The following SV2C variants were observed in gnomAD, a reference collection of about 807,000 sequenced individuals.
SV2C encodes solute carrier family 22 member B3.
Under a neutral mutation model 79.7 loss-of-function variants are expected in SV2C, and 49 were observed. That is an observed-to-expected ratio of 0.61 (90% CI 0.49 to 0.78). The LOEUF (loss-of-function observed/expected upper bound fraction) is 0.78. Among genes scored for constraint, SV2C ranks in the 30% least tolerant of loss-of-function variants. The pLI is 0.00. For missense variants in SV2C, 833 were observed against 912.9 expected, an observed-to-expected ratio of 0.91 and a Z score of 1.13; for synonymous variants, 334 against 333.2, an observed-to-expected ratio of 1.00 and a Z score of -0.03.
At chr5:76,306,484 A>T (rs1203811540) in intron 12 of SV2C, among the ~76,000 whole-genome samples, 4 of 152,256 alleles carry the variant, frequency 2.6e-5, no homozygotes, top group African/African-American at 9.6e-5. Context: ...GCAATTTATT[A>T]TCCAGAGGAT....
chr5:76,050,418 T>A, the SV2C span, among the ~76,000 whole-genome samples: 1 of 152,174 alleles, frequency 6.6e-6, no homozygotes, highest in African/African-American at 2.4e-5. Context: ...TAGAGGATCT[T>A]CATTGTCAGA....
intron 4 of SV2C, among the ~76,000 whole-genome samples, chr5:76,250,322 A>C (rs1202466586): frequency 6.6e-6 from 1 of 152,194 alleles, no homozygotes; most frequent in Non-Finnish European, 1.5e-5. Flanking sequence ...CCAAAAAAAT[A>C]CTTTATATTT....
At chr5:75,994,744 A>G in the SV2C span, among the ~76,000 whole-genome samples, 1 of 152,168 alleles carries the variant, frequency 6.6e-6, no homozygotes. Context: ...CAGCTATGTA[A>G]GAGGAGATTT....
Position 76,164,613 on chromosome 5 carries a change from C to T in SV2C, c.581-30306C>T, listed in dbSNP as rs200628055. On this transcript the variant is annotated intron_variant, in intron 2 of 12. Transcript: ENST00000502798. ...TTTCTTAATACCAAGGCTTTTTCAA[C>T]TTAACACTGAATTCCATATAATGCT... 9.2e-5 allele frequency among the ~76,000 whole-genome samples: 14 copies of T among 152,202 alleles called. No homozygotes were observed. In the East Asian group the frequency reaches 2.5e-3, roughly 27 times the overall value.
the SV2C span, among the ~76,000 whole-genome samples, chr5:75,925,223 AAGGCCGGACTTCTGTGCCATC>A: frequency 1.5e-4 from 23 of 152,282 alleles, no homozygotes; most frequent in East Asian, 4.4e-3. Flanking sequence ...AGTGGGCAGT[AAGGCCGGACTTCTGTGCCATC>A]AGGCTCAGCA....
At chr5:76,041,948 G>A in the SV2C span, among the ~76,000 whole-genome samples, 4 of 151,738 alleles carry the variant, frequency 2.6e-5, no homozygotes, top group African/African-American at 7.3e-5. Context: ...AATCCAGAAC[G>A]CTCCCCCTGC....
the SV2C span, among the ~76,000 whole-genome samples, chr5:76,001,894 C>T: frequency 4.6e-5 from 7 of 152,006 alleles, no homozygotes; most frequent in South Asian, 2.1e-4. Context: ...TTGGTACACC[C>T]GTCACCTGAG....
intron 4 of SV2C, among the ~76,000 whole-genome samples, chr5:76,271,689 G>A (rs939177432): frequency 1.6e-4 from 22 of 134,984 alleles, no homozygotes; most frequent in Non-Finnish European, 3.0e-4. Context: ...GGCTAGTCTC[G>A]AACTCCTGAC....
intron 4 of SV2C, among the ~76,000 whole-genome samples, chr5:76,251,455 G>A (rs931909647): frequency 2.0e-5 from 3 of 152,194 alleles, no homozygotes; most frequent in African/African-American, 7.2e-5. Flanking sequence ...AGGAGGCTGA[G>A]GTGGAAAGAT....
At chr5:76,279,836 T>C (rs958843130) in intron 4 of SV2C, among the ~76,000 whole-genome samples, 1 of 152,040 alleles carries the variant, frequency 6.6e-6, no homozygotes, top group Admixed American at 6.6e-5. Context: ...CGAGAGAACA[T>C]GACGATGAGG....
intron 4 of SV2C, among the ~76,000 whole-genome samples, chr5:76,262,530 T>C (rs1046570949): frequency 5.9e-5 from 9 of 152,152 alleles, no homozygotes; most frequent in African/African-American, 2.2e-4. Flanking sequence ...TAGGTGTCGA[T>C]TTTAAGGGAT....
At chr5:75,976,879 A>G in the SV2C span, among the ~76,000 whole-genome samples, 159 of 152,336 alleles carry the variant, frequency 1.0e-3, 1 homozygote, top group Admixed American at 3.4e-3. Flanking sequence ...CTATTCCAAC[A>G]TAGCGGTACA....
the SV2C span, among the ~76,000 whole-genome samples, chr5:76,075,119 A>C: frequency 6.6e-6 from 1 of 152,110 alleles, no homozygotes; most frequent in Admixed American, 6.5e-5. Context: ...ACTTCTCTGA[A>C]ATTCACTTGA....
rs111577216 is a variant in SV2C, at chr5:76,173,954, C to T, written c.581-20965C>T. 1,044 of 1,567,036 alleles carry T rather than the reference C, an allele frequency of 6.7e-4. 3 individuals carry two copies. The highest frequency in any genetic ancestry group is 2.0e-3 in the Admixed American group (121 of 59,948). The stretch of plus-strand genomic sequence containing the variant: ...TGTGATGGAATAAACTAATGCAAAC[C>T]CTTGTCCATTTTTCATGTATAAATC... On this transcript the variant is annotated intron_variant, in intron 2 of 12. Coordinates refer to ENST00000502798, the MANE Select transcript of SV2C (RefSeq NM_014979.4).
At chr5:76,293,844 T>A (rs566871955) in intron 8 of SV2C, among the ~76,000 whole-genome samples, 1 of 152,332 alleles carries the variant, frequency 6.6e-6, no homozygotes, top group South Asian at 2.1e-4. Flanking sequence ...ATCATTCCAA[T>A]AGTAGAGATG....
chr5:76,334,379 CAA>C (rs942431053), downstream of SV2C, among the ~76,000 whole-genome samples: 6 of 152,186 alleles, frequency 3.9e-5, no homozygotes, highest in Non-Finnish European at 8.8e-5. Flanking sequence ...TTGCTATCCC[CAA>C]AAGAGTTCCC....
the SV2C span, among the ~76,000 whole-genome samples, chr5:75,997,318 A>G: frequency 3.3e-5 from 5 of 152,200 alleles, no homozygotes; most frequent in Non-Finnish European, 5.9e-5. Flanking sequence ...GCAATGGACA[A>G]CAAAAGCCAA....
chr5:75,911,283 A>G, the SV2C span: 1 of 1,444,890 alleles, frequency 6.9e-7, no homozygotes, highest in East Asian at 2.3e-5. Context: ...CTCCATCACC[A>G]GGCAGAACCC....
chr5:76,054,049 C>T, the SV2C span, among the ~76,000 whole-genome samples: 12 of 151,952 alleles, frequency 7.9e-5, no homozygotes, highest in African/African-American at 2.9e-4. Flanking sequence ...CATAGGTATG[C>T]AAGTGCCATG....
Sources: gnomAD v4.1 joint callset for allele counts (sites outside exome capture counted in the v4.1 genomes callset) on GRCh38, gnomAD v4.1.1 for gene constraint, MANE v1.5 for transcripts, NCBI Gene and HGNC (gene_info 2026-07-23, HGNC 2026-07-21) for gene names.